EDIL3: variants seen among roughly 807,000 people sequenced by gnomAD.
EDIL3 encodes EGF like and discoidin domains 3, also known as EGF-like repeat and discoidin I-like domain-containing protein 3.
In EDIL3, 37 loss-of-function variants were observed where a neutral mutation model predicts 67.4. The ratio of observed to expected loss-of-function variants is 0.55; its 90% CI spans 0.42 to 0.72. EDIL3 has a LOEUF of 0.72. Among genes scored for constraint, EDIL3 ranks in the 30% least tolerant of loss-of-function variants. The probability of loss-of-function intolerance (pLI) is 0.00; values close to 1 mark genes in which losing one functional copy is unlikely to be tolerated. For missense variants in EDIL3, 527 were observed against 586.3 expected (o/e 0.90, Z 1.04); for synonymous variants, 195 against 196.3 (o/e 0.99, Z 0.05).
intron 4 of EDIL3, among the ~76,000 whole-genome samples, chr5:84,139,932 T>C (rs1057301941): frequency 6.6e-6 from 1 of 152,118 alleles, no homozygotes; most frequent in South Asian, 2.1e-4. Flanking sequence ...GTAAAGCATT[T>C]TGGAGCAGAG....
intron 1 of EDIL3, among the ~76,000 whole-genome samples, chr5:84,346,269 G>A (rs956727472): frequency 6.7e-6 from 1 of 149,612 alleles, no homozygotes; most frequent in Non-Finnish European, 1.5e-5. Context: ...TCAGCCTCCC[G>A]CAAACTTTTT....
At chr5:83,956,823 T>C (rs1006626405) in intron 10 of EDIL3, among the ~76,000 whole-genome samples, 1 of 151,736 alleles carries the variant, frequency 6.6e-6, no homozygotes, top group Non-Finnish European at 1.5e-5. Context: ...TATTAAAACA[T>C]CTCATGTACC....
Position 84,251,047 on chromosome 5 carries a change from T to TGC in EDIL3, c.196+3035_196+3036dup, listed in dbSNP as rs575653736. On this transcript the variant is annotated intron_variant, in intron 2 of 10. Coordinates refer to ENST00000296591, the MANE Select transcript of EDIL3 (RefSeq NM_005711.5). ...CAATACACTCTGTTTCCTGCATTGG[T>TGC]GCTAGATAACAACAGGAGAACAATA... Among the ~76,000 whole-genome samples the TGC allele has an allele frequency of 5.5e-4, 84 of 152,276 alleles. 1 individual carries two copies. Among genetic ancestry groups the TGC allele is most frequent in the African/African-American group, 2.0e-3 (84 of 41,594 alleles).
intron 4 of EDIL3, among the ~76,000 whole-genome samples, chr5:84,137,825 T>C (rs1748120859): frequency 6.6e-6 from 1 of 152,212 alleles, no homozygotes; most frequent in African/African-American, 2.4e-5. Context: ...TCGTCTTTGA[T>C]GAATACGATG....
intron 9 of EDIL3, among the ~76,000 whole-genome samples, chr5:84,055,615 A>T (rs1341124886): frequency 2.0e-5 from 3 of 152,096 alleles, no homozygotes; most frequent in Admixed American, 2.0e-4. Flanking sequence ...TTTACAAGAA[A>T]AAAACAAACA....
chr5:84,086,876 C>G (rs980964830), intron 6 of EDIL3, among the ~76,000 whole-genome samples: 8 of 152,028 alleles, frequency 5.3e-5, no homozygotes, highest in African/African-American at 1.9e-4. Flanking sequence ...GTGTATATAC[C>G]TGATCCCACG....
chr5:83,956,273 A>G (rs1295295644), intron 10 of EDIL3, among the ~76,000 whole-genome samples: 1 of 151,768 alleles, frequency 6.6e-6, no homozygotes, highest in Non-Finnish European at 1.5e-5. Flanking sequence ...GGATCTAGGT[A>G]GGACACTTGC....
chr5:84,199,441 A>G (rs1580373251), intron 3 of EDIL3, among the ~76,000 whole-genome samples: 1 of 152,048 alleles, frequency 6.6e-6, no homozygotes, highest in East Asian at 1.9e-4. Flanking sequence ...AATGAACTTC[A>G]TCTCTTATAC....
intron 8 of EDIL3, among the ~76,000 whole-genome samples, chr5:84,063,594 AT>A (rs1746581040): frequency 6.6e-6 from 1 of 152,112 alleles, no homozygotes; most frequent in African/African-American, 2.4e-5. Flanking sequence ...AGTAAATTTT[AT>A]TTGCTTGAAA....
chr5:84,348,817 A>C (rs946267064), intron 1 of EDIL3, among the ~76,000 whole-genome samples: 5 of 151,928 alleles, frequency 3.3e-5, no homozygotes, highest in African/African-American at 1.2e-4. Flanking sequence ...AAGTACCATC[A>C]AAACTTGTAC....
chr5:83,975,666 A>G (rs1744865854), intron 9 of EDIL3, among the ~76,000 whole-genome samples: 2 of 151,948 alleles, frequency 1.3e-5, no homozygotes, highest in African/African-American at 4.8e-5. Flanking sequence ...AAATAGATGT[A>G]TAATTCCTTT....
chr5:84,224,916 T>C (rs925314735), intron 3 of EDIL3, among the ~76,000 whole-genome samples: 1 of 151,602 alleles, frequency 6.6e-6, no homozygotes, highest in Non-Finnish European at 1.5e-5. Context: ...GTACAGTATC[T>C]GCTTTAAAAA....
Position 84,050,854 on chromosome 5 carries a change from G to A in EDIL3, c.1137+9446C>T, listed in dbSNP as rs183072350. On this transcript the variant is annotated intron_variant, in intron 9 of 10. Coordinates refer to ENST00000296591, the MANE Select transcript of EDIL3 (RefSeq NM_005711.5). ...GTGAAGCCCACCGCAGCTCAAGGAG[G>A]CCTGCCTGCCTCTGTAGACTCCACC... 5.8e-3 allele frequency among the ~76,000 whole-genome samples: 881 copies of A among 152,296 alleles called. 12 individuals are homozygous for A. The highest frequency in any genetic ancestry group is 0.02 in the African/African-American group (847 of 41,562).
At chr5:84,249,647 C>A (rs1356565851) in intron 2 of EDIL3, among the ~76,000 whole-genome samples, 1 of 151,758 alleles carries the variant, frequency 6.6e-6, no homozygotes, top group Non-Finnish European at 1.5e-5. Context: ...TATTTTTTCC[C>A]TTTGATTACG....
intron 4 of EDIL3, among the ~76,000 whole-genome samples, chr5:84,141,065 A>T (rs58368710): frequency 0.017 from 2,565 of 152,168 alleles, 48 homozygotes; most frequent in African/African-American, 0.045. Context: ...TGCAATAAAT[A>T]ACATACACCT....
At chr5:84,218,349 G>T (rs1024083910) in intron 3 of EDIL3, among the ~76,000 whole-genome samples, 2 of 152,154 alleles carry the variant, frequency 1.3e-5, no homozygotes, top group Admixed American at 6.5e-5. Context: ...GAGAGAGAAG[G>T]ATTATAGTCA....
At chr5:84,274,456 T>C (rs1238076890) in intron 1 of EDIL3, among the ~76,000 whole-genome samples, 1 of 152,186 alleles carries the variant, frequency 6.6e-6, no homozygotes, top group African/African-American at 2.4e-5. Flanking sequence ...ATGGTCACTA[T>C]TTCCCAGTAA....
intron 6 of EDIL3, among the ~76,000 whole-genome samples, chr5:84,078,134 C>A (rs1311249498): frequency 6.6e-6 from 1 of 152,136 alleles, no homozygotes; most frequent in African/African-American, 2.4e-5. Context: ...ATTAAGCAAC[C>A]CTATTTCTGG....
intron 1 of EDIL3, among the ~76,000 whole-genome samples, chr5:84,354,729 C>T (rs1022749212): frequency 2.6e-5 from 4 of 151,676 alleles, no homozygotes; most frequent in Non-Finnish European, 5.9e-5. Context: ...TACAATTCCA[C>T]AAATATGTAT....
Sources: allele counts gnomAD v4.1 joint callset (sites outside exome capture counted in the v4.1 genomes callset), GRCh38; gene constraint gnomAD v4.1.1; transcripts MANE v1.5; gene names NCBI Gene and HGNC (gene_info 2026-07-23, HGNC 2026-07-21).